The following ANKRD40 variants were observed in gnomAD, a reference collection of about 807,000 sequenced individuals.
The protein encoded by ANKRD40 is ankyrin repeat domain 40.
In ANKRD40, 24 loss-of-function variants were observed where a neutral mutation model predicts 35.5. The ratio of observed to expected loss-of-function variants is 0.68; its 90% CI spans 0.49 to 0.95. The LOEUF (loss-of-function observed/expected upper bound fraction) is 0.95. Ranked by LOEUF, ANKRD40 falls within the 40% of genes least tolerant of loss-of-function variation. ANKRD40 has a pLI of 0.00. For missense variants in ANKRD40, 361 were observed against 436.0 expected (o/e 0.83, Z 1.53); for synonymous variants, 147 against 173.5 (o/e 0.85, Z 1.20).
In ANKRD40 at chr17:50,699,712, G is replaced by C. The variant is rs539996292; in HGVS notation, c.465C>G (p.Pro155=). 241 of 1,613,754 alleles carry C rather than the reference G, an allele frequency of 1.5e-4. 4 individuals are homozygous for C. The South Asian group carries it at 2.4e-3, about 16-fold the overall frequency. The change falls in exon 3 of 5, where the codon CCC becomes CCG. Residue 155 remains proline (P), a synonymous_variant. Coordinates refer to ENST00000285243, the MANE Select transcript of ANKRD40 (RefSeq NM_052855.4). ...GCAATGGAGGTGAGCCATCTGCAGG[G>C]GGTGATGCAGGGGGTGTGGAGGGGC... is the stretch of plus-strand genomic sequence containing the variant. ...NGGPSTPPAS[P]PADGSPPLLP...
chr17:50,706,903 C>CAAAAAAAAAAAAAAAAAAAA (rs35024672), intron 1 of ANKRD40, among the ~76,000 whole-genome samples: 15 of 37,984 alleles, frequency 3.9e-4, no homozygotes, highest in South Asian at 1.4e-3. Context: ...GACCCTGTCT[C>CAAAAAAAAAAAAAAAAAAAA]AAAAAAAAAA....
At chr17:50,698,804 G>T (rs1968229431) in intron 3 of ANKRD40, among the ~76,000 whole-genome samples, 1 of 151,970 alleles carries the variant, frequency 6.6e-6, no homozygotes, top group African/African-American at 2.4e-5. Flanking sequence ...ATTAGCTCAA[G>T]ATTACATTTC....
chr17:50,699,373 G>C, intron 3 of ANKRD40, 26 bp downstream of exon 3: 1 of 1,594,874 alleles, frequency 6.3e-7, no homozygotes, highest in Non-Finnish European at 8.6e-7. Context: ...CCCTGTTGCA[G>C]AGGCTGTTTG....
chr17:50,703,959 T>C (rs184274882), intron 1 of ANKRD40, among the ~76,000 whole-genome samples: 3 of 151,940 alleles, frequency 2.0e-5, no homozygotes, highest in Admixed American at 2.0e-4. Flanking sequence ...ATCAGAGGTG[T>C]AGTGGTAGGG....
chr17:50,698,956 A>T (rs1968231786), intron 3 of ANKRD40, among the ~76,000 whole-genome samples: 1 of 143,850 alleles, frequency 7.0e-6, no homozygotes. Context: ...CCTGGCCAAC[A>T]TGGTGAAACC....
chr17:50,707,749 C>A lies in ANKRD40; in HGVS notation c.-95G>T. On this transcript the variant is annotated 5_prime_UTR_variant, in exon 1 of 5. It removes an upstream start codon present in the reference 5' UTR. Coordinates refer to ENST00000285243, the MANE Select transcript of ANKRD40 (RefSeq NM_052855.4). The surrounding 1 kb of genome is among the most constrained non-coding windows in gnomAD (Gnocchi z 4.8). Reference sequence around the variant, plus strand: ...GCCGTCGCCGCGGCCCGCTCCCGGCCATGGGGAGGGAGCGCGGAACTCGCC... The same window carrying A: ...GCCGTCGCCGCGGCCCGCTCCCGGCAATGGGGAGGGAGCGCGGAACTCGCC... The A allele has an allele frequency of 1.0e-6, 1 of 954,754 alleles. No homozygotes were observed. The highest frequency in any genetic ancestry group is 1.3e-6 in the Non-Finnish European group (1 of 769,406). The allele number at this position is 954,754 out of a possible 1,614,324, so 59.1% of individuals were successfully genotyped here.
In ANKRD40 at chr17:50,695,825, C is replaced by G. The variant is rs1184453791; in HGVS notation, c.*172G>C. 3 of 652,648 alleles carry G rather than the reference C, an allele frequency of 4.6e-6. No homozygotes were observed. The highest frequency in any genetic ancestry group is 5.6e-5 in the South Asian group (2 of 35,810). The allele number at this position is 652,648 out of a possible 1,614,324, so 40.4% of individuals were successfully genotyped here. ...CACCAAGAGGCTTGGAAGAGTGGCA[C>G]CACTGCTTGGGGGTCAGGGGCTTCC... On this transcript the variant is annotated 3_prime_UTR_variant, in exon 5 of 5. Transcript: ENST00000285243.
chr17:50,698,771 T>C (rs998051743), intron 3 of ANKRD40, among the ~76,000 whole-genome samples: 4 of 151,974 alleles, frequency 2.6e-5, no homozygotes, highest in East Asian at 3.9e-4. Flanking sequence ...AATTTAAACA[T>C]GGTCTATGGA....
In ANKRD40 at chr17:50,707,881, G is replaced by A. The variant is rs1476901013; in HGVS notation, c.-227C>T. 6.2e-6 allele frequency: 1 copy of A among 160,680 alleles called. No individual in the cohort carries two copies. Among genetic ancestry groups the A allele is most frequent in the Non-Finnish European group, 1.3e-5 (1 of 74,574 alleles). 10.0% of individuals were successfully genotyped at this position (160,680 alleles called of 1,614,324 possible). ...AGGCCCAGGCCTCCTCCCGGGCCGC[G>A]CCTCCCGAAGGCCGGCTCCGGGGGA... On this transcript the variant is annotated 5_prime_UTR_variant, in exon 1 of 5. Transcript: ENST00000285243. This position sits in a 1 kb window ranked among gnomAD's most constrained non-coding sequence, Gnocchi z 4.8.
In ANKRD40 at chr17:50,695,352, T is replaced by C. The variant is rs1968186430; in HGVS notation, c.*645A>G. Reference sequence around the variant, plus strand: ...TCATGAGTGTTTACAAAGGAAAAAGTGAGGGAGGGAAAGCTCTTTTGGTTA... The same window carrying C: ...TCATGAGTGTTTACAAAGGAAAAAGCGAGGGAGGGAAAGCTCTTTTGGTTA... On this transcript the variant is annotated 3_prime_UTR_variant, in exon 5 of 5. Coordinates refer to ENST00000285243, the MANE Select transcript of ANKRD40 (RefSeq NM_052855.4). The C allele has an allele frequency of 1.3e-5, 2 of 152,478 alleles. No homozygotes were observed. The highest frequency in any genetic ancestry group is 2.9e-5 in the Non-Finnish European group (2 of 68,040). The allele number at this position is 152,478 out of a possible 1,614,324, so 9.4% of individuals were successfully genotyped here. A position where few individuals can be genotyped will look rare whatever the true frequency, so the allele number is the denominator to read the frequency against.
In ANKRD40 at chr17:50,699,848, T is replaced by G; in HGVS notation, c.329A>C (p.Gln110Pro). ...DDDDDDDNLP[Q>P]LKKESELPFV... ...GGGCAGTTCTGACTCCTTCTTCAGC[T>G]GGGGGAGGTTGTCATCATCATCATC... Residue 110 changes from glutamine to proline, a missense_variant, in exon 3 of 5, where the codon CAG becomes CCG. By Grantham distance (76) the Gln-to-Pro change is moderately conservative (BLOSUM62 -1). Around this residue, in one of 5 missense-constraint regions of ANKRD40, gnomAD observed 172 missense variants for 174.0 expected, o/e 0.99. Coordinates refer to ENST00000285243, the MANE Select transcript of ANKRD40 (RefSeq NM_052855.4). 6.6e-7 allele frequency: 1 copy of G among 1,520,826 alleles called. No homozygotes were observed. The allele number at this position is 1,520,826 out of a possible 1,614,324, so 94.2% of individuals were successfully genotyped here.
Position 50,700,696 on chromosome 17 carries a change from C to T in ANKRD40, c.155G>A (p.Cys52Tyr). The change falls in exon 2 of 5, where the codon TGT (cysteine) becomes TAT (tyrosine). Residue 52 changes from cysteine to tyrosine, a missense_variant. Cys to Tyr is a radical substitution (Grantham distance 194, BLOSUM62 -2). This residue lies in a region of ANKRD40 where 35 missense variants were observed against 68.4 expected (regional missense o/e 0.51). Coordinates refer to ENST00000285243, the MANE Select transcript of ANKRD40 (RefSeq NM_052855.4). The stretch of plus-strand genomic sequence containing the variant: ...GACCACCTGACCATGGTTTCGTTTA[C>T]ATGCCCAGTGTAAACAAGTCCTGTA... The part of the protein sequence containing the change: ...VNGWTCLHWA[C>Y]KRNHGQVVSY... 6.2e-7 allele frequency: 1 copy of T among 1,613,996 alleles called. No homozygotes were observed.
At chr17:50,706,903 C>CAAAAAAAAAAAAAAAAAA (rs35024672) in intron 1 of ANKRD40, among the ~76,000 whole-genome samples, 4 of 37,968 alleles carry the variant, frequency 1.1e-4, no homozygotes, top group African/African-American at 2.3e-4. Context: ...GACCCTGTCT[C>CAAAAAAAAAAAAAAAAAA]AAAAAAAAAA....
chr17:50,696,255 A>C, intron 4 of ANKRD40, 112 bp from the exon 5 acceptor site: 1 of 1,258,680 alleles, frequency 7.9e-7, no homozygotes, highest in South Asian at 1.6e-5. Context: ...AAGAAAAAAA[A>C]AAATCCCTGT....
rs1038719169 is a variant in ANKRD40 at position 50,700,691 on chromosome 17, G to A, written c.160C>T (p.Arg54Ter). Residue 54 changes from arginine (R) to a stop codon, truncating the protein, a stop_gained, in exon 2 of 5, where the codon CGA becomes TGA. Coordinates refer to ENST00000285243, the MANE Select transcript of ANKRD40 (RefSeq NM_052855.4). LOFTEE classifies it high-confidence loss of function. ...TAAGAGACCACCTGACCATGGTTTC[G>A]TTTACATGCCCAGTGTAAACAAGTC... The part of the protein sequence containing the change: ...GWTCLHWACK[R>*]NHGQVVSYLL... 1.9e-6 allele frequency: 3 copies of A among 1,613,812 alleles called. No individual in the cohort carries two copies. Among genetic ancestry groups the A allele is most frequent in the East Asian group, 2.2e-5 (1 of 44,880 alleles).
In ANKRD40 at chr17:50,694,413, C is replaced by T. The variant is rs1480667266; in HGVS notation, c.*1584G>A. On this transcript the variant is annotated 3_prime_UTR_variant, in exon 5 of 5. Coordinates refer to ENST00000285243, the MANE Select transcript of ANKRD40 (RefSeq NM_052855.4). ...ACATCTTCTGCACGTTCTCACTCAA[C>T]TGTAGTGTTCTAATAAAATTAAGTT... 2 of 152,208 alleles carry T rather than the reference C, an allele frequency of 1.3e-5. No individual in the cohort carries two copies. Among genetic ancestry groups the T allele is most frequent in the African/African-American group, 2.4e-5 (1 of 41,454 alleles). 9.4% of individuals were successfully genotyped at this position (152,208 alleles called of 1,614,324 possible). A position where few individuals can be genotyped will look rare whatever the true frequency, so the allele number is the denominator to read the frequency against.
chr17:50,705,100 G>A (rs1458669934), intron 1 of ANKRD40, among the ~76,000 whole-genome samples: 4 of 140,606 alleles, frequency 2.8e-5, no homozygotes, highest in Admixed American at 7.6e-5. Context: ...CAGCCTGGGC[G>A]AGAGTGCGAG....
At position 50,695,489 on chromosome 17, in the gene ANKRD40, G is replaced by A. The variant is rs745477804; in HGVS notation, c.*508C>T. On this transcript the variant is annotated 3_prime_UTR_variant, in exon 5 of 5. Transcript: ENST00000285243. ...TCACAAGTCACACTAGAATCCATCTGTCCAGTATCTGTGCTTTCCCCACAC... is the reference window on the plus strand; with the variant it reads ...TCACAAGTCACACTAGAATCCATCTATCCAGTATCTGTGCTTTCCCCACAC... The A allele has an allele frequency of 6.5e-6, 1 of 152,996 alleles. No individual in the cohort carries two copies. Among genetic ancestry groups the A allele is most frequent in the Non-Finnish European group, 1.5e-5 (1 of 68,370 alleles). 9.5% of individuals were successfully genotyped at this position (152,996 alleles called of 1,614,324 possible).
chr17:50,700,999 A>G, intron 1 of ANKRD40: 1 of 302,080 alleles, frequency 3.3e-6, no homozygotes. Context: ...GCTAACTCCA[A>G]TGATACCGTG....
Sources: gnomAD v4.1 joint callset for allele counts (sites outside exome capture counted in the v4.1 genomes callset) on GRCh38, gnomAD v4.1.1 for gene constraint, gnomAD v4.1.1 regional missense constraint, Gnocchi (gnomAD v3.1) non-coding constraint, MANE v1.5 for transcripts, NCBI Gene and HGNC (gene_info 2026-07-23, HGNC 2026-07-21) for gene names.